SNTG1: variants seen among roughly 807,000 people sequenced by gnomAD.
SNTG1 encodes gamma-1-syntrophin.
SNTG1 carries 39 observed loss-of-function variants against 74.7 expected under a neutral mutation model. That is an observed-to-expected ratio of 0.52 (90% CI 0.40 to 0.68). SNTG1 has a LOEUF of 0.68. Among genes scored for constraint, SNTG1 ranks in the 30% least tolerant of loss-of-function variants. SNTG1 has a pLI of 0.00. For missense variants in SNTG1, 685 were observed against 609.5 expected (o/e 1.12, Z -1.30); for synonymous variants, 254 against 217.1 (o/e 1.17, Z -1.49).
chr8:50,258,837 A>G (rs991855565), intron 2 of SNTG1, among the ~76,000 whole-genome samples: 3 of 152,172 alleles, frequency 2.0e-5, no homozygotes, highest in Admixed American at 2.0e-4. Context: ...TTACCGCCTG[A>G]TGAGATTACC....
chr8:50,253,536 T>G (rs1392405741), intron 2 of SNTG1, among the ~76,000 whole-genome samples: 2 of 152,210 alleles, frequency 1.3e-5, no homozygotes, highest in African/African-American at 2.4e-5. Context: ...TCTCCCATGT[T>G]AATTGTAGCA....
rs144478259 is a variant in SNTG1 at position 50,198,537 on chromosome 8, G to A, written c.-28+25902G>A. On this transcript the variant is annotated intron_variant, in intron 2 of 18. Transcript: ENST00000642720. ...TCTACAGGGCTCTGCAAGCCCTGAT[G>A]ATTTACCTTTGTGACAGGTGACAGA... is the stretch of plus-strand genomic sequence containing the variant. Among the ~76,000 whole-genome samples the A allele has an allele frequency of 2.0e-5, 3 of 152,306 alleles. No individual in the cohort carries two copies. The East Asian group carries it at 5.8e-4, about 29-fold the overall frequency.
intron 2 of SNTG1, among the ~76,000 whole-genome samples, chr8:50,246,701 A>C (rs1438543768): frequency 1.3e-5 from 2 of 152,068 alleles, no homozygotes; most frequent in African/African-American, 4.8e-5. Flanking sequence ...TTTCTTCTAA[A>C]GCTTTGGGTA....
intron 1 of SNTG1, among the ~76,000 whole-genome samples, chr8:49,934,097 T>C (rs894537816): frequency 2.0e-5 from 3 of 152,300 alleles, no homozygotes; most frequent in Admixed American, 6.5e-5. Context: ...CGTAAGTCTC[T>C]TATCTAGTTA....
intron 8 of SNTG1, among the ~76,000 whole-genome samples, chr8:50,489,766 C>T (rs912164135): frequency 6.6e-6 from 1 of 152,198 alleles, no homozygotes; most frequent in Non-Finnish European, 1.5e-5. Flanking sequence ...TGTGGAGAAG[C>T]TCTTTAGTTT....
At chr8:50,327,862 G>T (rs1384212383) in intron 2 of SNTG1, among the ~76,000 whole-genome samples, 1 of 152,052 alleles carries the variant, frequency 6.6e-6, no homozygotes, top group Non-Finnish European at 1.5e-5. Context: ...TTTAGAGTTT[G>T]CAATATACAT....
At chr8:50,032,782 C>G (rs1817839271) in intron 1 of SNTG1, among the ~76,000 whole-genome samples, 1 of 152,170 alleles carries the variant, frequency 6.6e-6, no homozygotes, top group Admixed American at 6.5e-5. Context: ...TCTTTTAACA[C>G]TATACATATA....
At chr8:49,923,855 T>C (rs1179445977) in intron 1 of SNTG1, among the ~76,000 whole-genome samples, 1 of 152,124 alleles carries the variant, frequency 6.6e-6, no homozygotes, top group Non-Finnish European at 1.5e-5. Context: ...ATTTGGGAAA[T>C]AATTATGGGA....
intron 1 of SNTG1, among the ~76,000 whole-genome samples, chr8:49,980,358 G>C (rs1031294585): frequency 1.2e-4 from 18 of 151,832 alleles, no homozygotes; most frequent in African/African-American, 3.4e-4. Flanking sequence ...GGTAGCTTCA[G>C]CTGTAGCAGA....
At chr8:50,545,870 C>T (rs571372962) in intron 11 of SNTG1, among the ~76,000 whole-genome samples, 86 of 152,154 alleles carry the variant, frequency 5.7e-4, no homozygotes, top group South Asian at 1.7e-3. Flanking sequence ...GAGAATTGTG[C>T]TTTTAACAAC....
At chr8:50,545,218 C>T (rs551698067) in intron 11 of SNTG1, among the ~76,000 whole-genome samples, 4 of 151,582 alleles carry the variant, frequency 2.6e-5, no homozygotes, top group African/African-American at 7.2e-5. Flanking sequence ...TACTATTGTG[C>T]ATATATAAAT....
chr8:50,473,652 G>A (rs2093671310), intron 8 of SNTG1, among the ~76,000 whole-genome samples: 1 of 152,136 alleles, frequency 6.6e-6, no homozygotes, highest in African/African-American at 2.4e-5. Flanking sequence ...TAACCAAGAA[G>A]TGGTGGCAAT....
At chr8:50,050,431 T>A (rs755494811) in intron 1 of SNTG1, among the ~76,000 whole-genome samples, 8 of 152,002 alleles carry the variant, frequency 5.3e-5, no homozygotes, top group Non-Finnish European at 8.8e-5. Flanking sequence ...AGGTTCTATA[T>A]CTATTAATGA....
At chr8:50,548,299 T>C (rs890075112) in intron 11 of SNTG1, among the ~76,000 whole-genome samples, 1 of 152,120 alleles carries the variant, frequency 6.6e-6, no homozygotes, top group South Asian at 2.1e-4. Flanking sequence ...GTCTAGGCAA[T>C]GCAGCTAGAT....
chr8:50,218,684 G>T (rs1006494312), intron 2 of SNTG1, among the ~76,000 whole-genome samples: 3 of 151,908 alleles, frequency 2.0e-5, no homozygotes, highest in Non-Finnish European at 4.4e-5. Context: ...CTAATATAAA[G>T]TATTAGTAAT....
chr8:50,721,882 C>A (rs553853129), intron 17 of SNTG1, among the ~76,000 whole-genome samples: 1 of 152,156 alleles, frequency 6.6e-6, no homozygotes, highest in South Asian at 2.1e-4. Flanking sequence ...TGTTGCTTCA[C>A]TGAAAGAACA....
intron 1 of SNTG1, among the ~76,000 whole-genome samples, chr8:49,989,730 A>G (rs1198549255): frequency 2.6e-5 from 4 of 151,962 alleles, no homozygotes; most frequent in African/African-American, 4.8e-5. Context: ...TCAGCAACCT[A>G]TTAAAAGGAA....
chr8:50,714,846 C>T (rs1468754301), intron 17 of SNTG1, among the ~76,000 whole-genome samples: 1 of 151,878 alleles, frequency 6.6e-6, no homozygotes, highest in Non-Finnish European at 1.5e-5. Flanking sequence ...TTGCATCAAG[C>T]AGGTGGGGGC....
At chr8:50,169,745 AT>A (rs760401877) in intron 1 of SNTG1, among the ~76,000 whole-genome samples, 1 of 151,990 alleles carries the variant, frequency 6.6e-6, no homozygotes, top group Non-Finnish European at 1.5e-5. Context: ...TGATTTCTTC[AT>A]TTCCCTCACA....
Sources: gnomAD v4.1 joint callset for allele counts (sites outside exome capture counted in the v4.1 genomes callset) on GRCh38, gnomAD v4.1.1 for gene constraint, MANE v1.5 for transcripts, NCBI Gene and HGNC (gene_info 2026-07-23, HGNC 2026-07-21) for gene names.